NBAS: variants seen among roughly 807,000 people sequenced by gnomAD.
NBAS encodes NBAS subunit of NRZ tethering complex, also known as NAG/BC035112 fusion.
In NBAS, 219 loss-of-function variants were observed where a neutral mutation model predicts 302.5. The ratio of observed to expected loss-of-function variants is 0.72; its 90% CI spans 0.65 to 0.81. The LOEUF (loss-of-function observed/expected upper bound fraction) is 0.81, where lower values mean the gene tolerates loss of function less well. Ranked by LOEUF, NBAS falls within the 30% of genes least tolerant of loss-of-function variation. The probability of loss-of-function intolerance (pLI) is 0.00; values close to 1 mark genes in which losing one functional copy is unlikely to be tolerated. For synonymous variants in NBAS, 1,118 were observed against 1,021.6 expected (o/e 1.09, Z -1.80); for missense variants, 2,932 against 2,841.6 (o/e 1.03, Z -0.72).
chr2:15,184,540 T>C (rs540479944), intron 50 of NBAS, among the ~76,000 whole-genome samples: 9 of 152,130 alleles, frequency 5.9e-5, no homozygotes, highest in Admixed American at 2.0e-4. Context: ...TAGTTCACAA[T>C]AGAGCTTGTG....
At chr2:14,944,500 A>G in the NBAS span, among the ~76,000 whole-genome samples, 1 of 152,160 alleles carries the variant, frequency 6.6e-6, no homozygotes, top group Non-Finnish European at 1.5e-5. Context: ...TCATTGATAC[A>G]GCTGTGACTT....
the NBAS span, among the ~76,000 whole-genome samples, chr2:14,868,016 A>G: frequency 6.6e-6 from 1 of 152,196 alleles, no homozygotes; most frequent in Non-Finnish European, 1.5e-5. Context: ...TTATTACTAG[A>G]CCTTGGCACT....
chr2:15,474,166 C>T lies in NBAS; in HGVS notation c.1500G>A (p.Glu500=), dbSNP rs936146933. 6.2e-7 allele frequency: 1 copy of T among 1,613,978 alleles called. No individual in the cohort carries two copies. Among genetic ancestry groups the T allele is most frequent in the African/African-American group, 1.3e-5 (1 of 74,884 alleles). ...GGCGTTTCCGTGGTGGTGCAAATCG[C>T]TCCATTTCAGTCACCAAGTAAAGGC... The part of the protein sequence containing the change: ...KQGLYLVTEM[E]RFAPPRKRPR... The change falls in exon 15 of 52, where the codon GAG becomes GAA. Residue 500 remains glutamate (E), a synonymous_variant. Transcript: ENST00000281513.
the NBAS span, among the ~76,000 whole-genome samples, chr2:14,809,182 A>C: frequency 6.6e-6 from 1 of 152,246 alleles, no homozygotes; most frequent in African/African-American, 2.4e-5. Context: ...CTGAGGAGAA[A>C]TTCAAGCTGG....
intron 21 of NBAS, among the ~76,000 whole-genome samples, chr2:15,452,346 A>G (rs1170272115): frequency 3.3e-5 from 5 of 152,218 alleles, no homozygotes; most frequent in Non-Finnish European, 7.3e-5. Context: ...CTGTAATCCC[A>G]GCACTTTGGG....
At chr2:15,047,495 G>A in the NBAS span, among the ~76,000 whole-genome samples, 1 of 152,120 alleles carries the variant, frequency 6.6e-6, no homozygotes, top group Non-Finnish European at 1.5e-5. Context: ...GCCAGTAAGG[G>A]CTAGGCCCAT....
At chr2:15,144,125 T>C in the NBAS span, among the ~76,000 whole-genome samples, 1 of 147,796 alleles carries the variant, frequency 6.8e-6, no homozygotes, top group Non-Finnish European at 1.5e-5. Flanking sequence ...GTCACATTGT[T>C]GTGACTCCAC....
chr2:15,098,581 T>TTG, the NBAS span, among the ~76,000 whole-genome samples: 254 of 119,106 alleles, frequency 2.1e-3, 4 homozygotes, highest in African/African-American at 5.0e-3. Context: ...ATATAATGTA[T>TTG]TATATATTAT....
At chr2:15,402,965 A>T (rs1342528546) in intron 25 of NBAS, among the ~76,000 whole-genome samples, 1 of 152,236 alleles carries the variant, frequency 6.6e-6, no homozygotes, top group Non-Finnish European at 1.5e-5. Context: ...TAAAGCATGA[A>T]TATTAACAAT....
At chr2:14,868,598 G>GT in the NBAS span, among the ~76,000 whole-genome samples, 5 of 152,104 alleles carry the variant, frequency 3.3e-5, no homozygotes, top group African/African-American at 1.2e-4. Flanking sequence ...TTTTTTCTTA[G>GT]TATGTTGCAG....
At chr2:15,437,108 C>T (rs1678057478) in intron 21 of NBAS, among the ~76,000 whole-genome samples, 1 of 152,050 alleles carries the variant, frequency 6.6e-6, no homozygotes, top group Non-Finnish European at 1.5e-5. Context: ...CCCTATTTTC[C>T]ACCCATGCCA....
chr2:14,928,315 A>G, the NBAS span, among the ~76,000 whole-genome samples: 1 of 152,194 alleles, frequency 6.6e-6, no homozygotes, highest in East Asian at 1.9e-4. Flanking sequence ...TTTTATCTCT[A>G]AGCAGATTGC....
chr2:15,039,075 A>G, the NBAS span, among the ~76,000 whole-genome samples: 8 of 152,230 alleles, frequency 5.3e-5, no homozygotes, highest in Non-Finnish European at 1.0e-4. Context: ...CATAGTGGAC[A>G]TAAATCTGAA....
chr2:15,037,416 C>A, the NBAS span, among the ~76,000 whole-genome samples: 3 of 27,758 alleles, frequency 1.1e-4, no homozygotes, highest in South Asian at 0.011. Flanking sequence ...CTCACCCTGG[C>A]CCCACCCGCA....
intron 48 of NBAS, among the ~76,000 whole-genome samples, chr2:15,200,793 G>A (rs1665838706): frequency 6.6e-6 from 1 of 152,128 alleles, no homozygotes. Flanking sequence ...TTGAAAAAGT[G>A]AACTAAGTCA....
the NBAS span, among the ~76,000 whole-genome samples, chr2:15,099,662 C>T: frequency 6.6e-6 from 1 of 151,916 alleles, no homozygotes; most frequent in Non-Finnish European, 1.5e-5. Flanking sequence ...ATGTCATGGC[C>T]ACATGTCTAG....
chr2:15,086,535 G>T, the NBAS span, among the ~76,000 whole-genome samples: 3 of 152,194 alleles, frequency 2.0e-5, no homozygotes, highest in African/African-American at 7.2e-5. Context: ...GAAGAGCTGT[G>T]GCCCCTTGGG....
Position 15,166,955 on chromosome 2 carries a change from T to TG in NBAS, c.*92dup, listed in dbSNP as rs1664044727. On this transcript the variant is annotated 3_prime_UTR_variant, in exon 52 of 52. Transcript: ENST00000281513. Reference sequence around the variant, plus strand: ...TTTTATTTGCAATTTGTTGGAACCATGGAGAACAATCGGCAGATACACATG... The same window carrying TG: ...TTTTATTTGCAATTTGTTGGAACCATGGGAGAACAATCGGCAGATACACATG... 6.9e-7 allele frequency: 1 copy of TG among 1,440,060 alleles called. No individual in the cohort carries two copies. The highest frequency in any genetic ancestry group is 9.3e-7 in the Non-Finnish European group (1 of 1,078,018). 89.2% of individuals were successfully genotyped at this position (1,440,060 alleles called of 1,614,324 possible). A position where few individuals can be genotyped will look rare whatever the true frequency, so the allele number is the denominator to read the frequency against.
the NBAS span, among the ~76,000 whole-genome samples, chr2:14,859,157 A>G: frequency 2.0e-4 from 30 of 152,038 alleles, no homozygotes; most frequent in Non-Finnish European, 4.0e-4. Flanking sequence ...AAGAAAAATT[A>G]TAAAACACTG....
Sources: gnomAD v4.1 joint callset for allele counts (sites outside exome capture counted in the v4.1 genomes callset) on GRCh38, gnomAD v4.1.1 for gene constraint, MANE v1.5 for transcripts, NCBI Gene and HGNC (gene_info 2026-07-23, HGNC 2026-07-21) for gene names.